The following ADAMTS14 variants were observed in gnomAD, a reference collection of about 807,000 sequenced individuals.
The protein encoded by ADAMTS14 is A disintegrin and metalloproteinase with thrombospondin motifs 14.
Under a neutral mutation model 128.6 loss-of-function variants are expected in ADAMTS14, and 100 were observed. The observed-to-expected ratio is 0.78, with a 90% CI of 0.66 to 0.92. The LOEUF (loss-of-function observed/expected upper bound fraction) is 0.92. ADAMTS14 is among the 40% of genes least tolerant of loss of function. The pLI is 0.00. For missense variants in ADAMTS14, 1,562 were observed against 1,658.6 expected, an observed-to-expected ratio of 0.94 and a Z score of 1.01; for synonymous variants, 665 against 653.8, an observed-to-expected ratio of 1.02 and a Z score of -0.26.
Position 70,748,716 on chromosome 10 carries a change from C to T in ADAMTS14, c.2264-1106C>T, listed in dbSNP as rs1001990163. Among the ~76,000 whole-genome samples the T allele has an allele frequency of 2.9e-5, 4 of 139,914 alleles. No individual in the cohort carries two copies. In the Admixed American group the frequency reaches 3.1e-4, roughly 11 times the overall value. The allele number at this position is 139,914 out of a possible 152,430, so 91.8% of individuals were successfully genotyped here. ...TGAACTGAAGCAGTTGGCAGAGTGACTGGCACATAGTTAGTGTTCTCGGAT... is the reference window on the plus strand; with the variant it reads ...TGAACTGAAGCAGTTGGCAGAGTGATTGGCACATAGTTAGTGTTCTCGGAT... On this transcript the variant is annotated intron_variant, in intron 15 of 21. Coordinates refer to ENST00000373207, the MANE Select transcript of ADAMTS14 (RefSeq NM_080722.4).
intron 2 of ADAMTS14, 119 bp from the exon 3 acceptor site, chr10:70,702,193 A>G: frequency 1.4e-6 from 2 of 1,428,830 alleles, no homozygotes; most frequent in Non-Finnish European, 1.9e-6. Flanking sequence ...GTCCTGGAGG[A>G]AGAGCCTGCA....
intron 8 of ADAMTS14, among the ~76,000 whole-genome samples, chr10:70,734,307 T>C (rs1841751286): frequency 6.6e-6 from 1 of 152,182 alleles, no homozygotes; most frequent in African/African-American, 2.4e-5. Flanking sequence ...TAGATTCTGC[T>C]GGGGTTGGGT....
chr10:70,720,791 G>A (rs1201429275), intron 4 of ADAMTS14, among the ~76,000 whole-genome samples: 1 of 152,162 alleles, frequency 6.6e-6, no homozygotes, highest in Non-Finnish European at 1.5e-5. Context: ...TGTAACACAG[G>A]TGTGTTTGTG....
rs1428686109 is a variant in ADAMTS14 at position 70,732,266 on chromosome 10, T to C, written c.1115T>C (p.Val372Ala). The change falls in exon 7 of 22, where the codon GTC becomes GCC. Residue 372 changes from valine (V) to alanine (A), a missense_variant. By Grantham distance (64) the Val-to-Ala change is moderately conservative (BLOSUM62 0). Transcript: ENST00000373207. Reference protein sequence around the residue: ...QDFGPSGYAPVTGMCHPLRSC... With the variant: ...QDFGPSGYAPATGMCHPLRSC... Reference sequence around the variant, plus strand: ...CTCTCTTCGGCAGGGTATGCACCCGTCACTGGCATGTGTCACCCCCTGAGG... The same window carrying C: ...CTCTCTTCGGCAGGGTATGCACCCGCCACTGGCATGTGTCACCCCCTGAGG... 2 of 1,614,054 alleles carry C rather than the reference T, an allele frequency of 1.2e-6. No homozygotes were observed. Among genetic ancestry groups the C allele is most frequent in the Non-Finnish European group, 1.7e-6 (2 of 1,180,008 alleles).
chr10:70,687,151 C>G (rs1239142556), intron 2 of ADAMTS14, among the ~76,000 whole-genome samples: 506 of 100,126 alleles, frequency 5.1e-3, no homozygotes, highest in Middle Eastern at 0.011. Context: ...AGGCGCCCCT[C>G]ACCTCCCGGA....
At chr10:70,744,213 G>T (rs772208743) in intron 14 of ADAMTS14, 24 bp downstream of exon 14, 3 of 1,499,416 alleles carry the variant, frequency 2.0e-6, no homozygotes, top group South Asian at 2.6e-5. Context: ...GGGCTGGGGG[G>T]ATGACGAGGG....
intron 15 of ADAMTS14, among the ~76,000 whole-genome samples, chr10:70,748,462 C>T (rs903667104): frequency 7.2e-5 from 11 of 152,254 alleles, no homozygotes; most frequent in South Asian, 6.2e-4. Flanking sequence ...GGGCAGGAGG[C>T]GAGGGGCATC....
At chr10:70,737,373 G>T (rs1841859937) in intron 10 of ADAMTS14, among the ~76,000 whole-genome samples, 1 of 152,234 alleles carries the variant, frequency 6.6e-6, no homozygotes, top group Non-Finnish European at 1.5e-5. Context: ...CCCTGCCCTT[G>T]ATCACTGTGG....
At chr10:70,738,762 T>G in intron 10 of ADAMTS14, 80 bp from the exon 11 acceptor site, 1 of 1,594,440 alleles carries the variant, frequency 6.3e-7, no homozygotes, top group Non-Finnish European at 8.5e-7. Context: ...CTCATGCTCT[T>G]GCTATCCCTT....
At chr10:70,708,380 T>G (rs187988546) in intron 3 of ADAMTS14, among the ~76,000 whole-genome samples, 110 of 152,304 alleles carry the variant, frequency 7.2e-4, no homozygotes, top group African/African-American at 2.6e-3. Flanking sequence ...TGCTACTCAT[T>G]GCTTCAAAGA....
intron 4 of ADAMTS14, among the ~76,000 whole-genome samples, chr10:70,723,050 A>C (rs920075211): frequency 9.9e-5 from 15 of 152,230 alleles, no homozygotes; most frequent in Non-Finnish European, 1.8e-4. Context: ...GGCCAACAGC[A>C]ACAGTGATGA....
intron 15 of ADAMTS14, among the ~76,000 whole-genome samples, chr10:70,748,503 C>G (rs1842252073): frequency 6.6e-6 from 1 of 152,168 alleles, no homozygotes. Context: ...AGGGGCGAGG[C>G]TCTTCTTTTT....
chr10:70,750,268 G>C (rs1019232992), intron 16 of ADAMTS14, among the ~76,000 whole-genome samples: 2 of 152,238 alleles, frequency 1.3e-5, no homozygotes, highest in Non-Finnish European at 2.9e-5. Context: ...GGAGCCTGGA[G>C]GGAGGTTGGG....
At chr10:70,676,043 T>TAGA (rs1839637565) in intron 2 of ADAMTS14, among the ~76,000 whole-genome samples, 1 of 152,204 alleles carries the variant, frequency 6.6e-6, no homozygotes, top group Non-Finnish European at 1.5e-5. Context: ...TGCCTCTGTC[T>TAGA]AGGCCAGTGC....
intron 4 of ADAMTS14, among the ~76,000 whole-genome samples, chr10:70,717,233 A>G (rs1372931984): frequency 6.6e-6 from 1 of 152,192 alleles, no homozygotes; most frequent in African/African-American, 2.4e-5. Context: ...ACCACTGAGA[A>G]TGGTACCAGT....
chr10:70,760,889 C>G lies in ADAMTS14; in HGVS notation c.*36C>G, dbSNP rs780092296. Reference sequence around the variant, plus strand: ...GCCATCCCACTGGCACGTTTACACTCTGTGTACTGCCCCGTGACTCCCAGC... The same window carrying G: ...GCCATCCCACTGGCACGTTTACACTGTGTGTACTGCCCCGTGACTCCCAGC... On this transcript the variant is annotated 3_prime_UTR_variant, in exon 22 of 22. Coordinates refer to ENST00000373207, the MANE Select transcript of ADAMTS14 (RefSeq NM_080722.4). 12 of 1,527,414 alleles carry G rather than the reference C, an allele frequency of 7.9e-6. No homozygotes were observed. The highest frequency in any genetic ancestry group is 9.7e-6 in the Non-Finnish European group (11 of 1,136,132). 94.6% of individuals were successfully genotyped at this position (1,527,414 alleles called of 1,614,324 possible).
chr10:70,743,932 C>A (rs1369355042), intron 13 of ADAMTS14, 134 bp from the exon 14 acceptor site: 11 of 1,308,674 alleles, frequency 8.4e-6, no homozygotes, highest in South Asian at 1.5e-5. Context: ...TGAATTCGTG[C>A]CAGAATCCTG....
chr10:70,737,653 G>A (rs1458268875), intron 10 of ADAMTS14, among the ~76,000 whole-genome samples: 1 of 152,312 alleles, frequency 6.6e-6, no homozygotes, highest in African/African-American at 2.4e-5. Context: ...GGTGGATGGA[G>A]CTTCCCCTGG....
At position 70,745,479 on chromosome 10, in the gene ADAMTS14, C is replaced by A. The variant is rs865953340; in HGVS notation, c.2263+173C>A. 5.4e-6 allele frequency: 4 copies of A among 736,884 alleles called. No homozygotes were observed. The East Asian group carries it at 8.2e-5, about 15-fold the overall frequency. 45.6% of individuals were successfully genotyped at this position (736,884 alleles called of 1,614,324 possible). On this transcript the variant is annotated intron_variant, in intron 15 of 21. Transcript: ENST00000373207. ...TTTAAATTTATGCTGCATGGGTAAC[C>A]CATTCCATGGTTTACATTTCAGAAG...
Sources: gnomAD v4.1 joint callset for allele counts (sites outside exome capture counted in the v4.1 genomes callset) on GRCh38, gnomAD v4.1.1 for gene constraint, MANE v1.5 for transcripts, NCBI Gene and HGNC (gene_info 2026-07-23, HGNC 2026-07-21) for gene names.